Variants in PTBP2 observed in about 807,000 individuals in gnomAD.
PTBP2 encodes polypyrimidine tract binding protein 2.
In PTBP2, 13 loss-of-function variants were observed where a neutral mutation model predicts 61.4. The observed-to-expected ratio is 0.21, with a 90% confidence interval of 0.14 to 0.34. The LOEUF (loss-of-function observed/expected upper bound fraction) is 0.34, where lower values mean the gene tolerates loss of function less well. Among genes scored for constraint, PTBP2 ranks in the 10% least tolerant of loss-of-function variants. PTBP2 has a pLI of 1.00. For missense variants in PTBP2, 405 were observed against 642.6 expected, an observed-to-expected ratio of 0.63 and a Z score of 4.00; for synonymous variants, 215 against 218.5, an observed-to-expected ratio of 0.98 and a Z score of 0.14.
chr1:96,727,086 A>G (rs1358162465), intron 2 of PTBP2, among the ~76,000 whole-genome samples: 1 of 152,034 alleles, frequency 6.6e-6, no homozygotes, highest in East Asian at 1.9e-4. Flanking sequence ...CCAAGGAACC[A>G]CTGATCTGCT....
At chr1:96,731,611 A>T (rs1037873234) in intron 2 of PTBP2, among the ~76,000 whole-genome samples, 1 of 152,148 alleles carries the variant, frequency 6.6e-6, no homozygotes, top group African/African-American at 2.4e-5. Flanking sequence ...TCTAATGTTA[A>T]TGTATTTACA....
intron 2 of PTBP2, among the ~76,000 whole-genome samples, chr1:96,751,029 T>C (rs1274381016): frequency 6.6e-6 from 1 of 152,114 alleles, no homozygotes; most frequent in Non-Finnish European, 1.5e-5. Context: ...AATGAAGTTC[T>C]AATTTTCTAA....
At chr1:96,791,835 T>TTTTTTTTTTGTTTTTTTTTG (rs1557759220) in intron 8 of PTBP2, among the ~76,000 whole-genome samples, 3 of 30,514 alleles carry the variant, frequency 9.8e-5, no homozygotes, top group African/African-American at 1.9e-4. Context: ...GCTTTTTTTT[T>TTTTTTTTTTGTTTTTTTTTG]TTTTTTTTTT....
Position 96,813,342 on chromosome 1 carries a change from T to A in PTBP2, c.1533T>A (p.Leu511=). 1 of 1,607,196 alleles carries A rather than the reference T, an allele frequency of 6.2e-7. No homozygotes were observed. The highest frequency in any genetic ancestry group is 8.5e-7 in the Non-Finnish European group (1 of 1,176,332). The change falls in exon 14 of 14, where the codon CTT becomes CTA. Residue 511 remains leucine, a synonymous_variant. Transcript: ENST00000674951. ...VEEAIQALID[L]HNYNLGENHH... ...AAGCTATTCAGGCCTTGATTGATCT[T>A]CATAATTATAACCTTGGAGAAAACC...
At chr1:96,773,257 G>A (rs1366252648) in intron 5 of PTBP2, among the ~76,000 whole-genome samples, 3 of 151,916 alleles carry the variant, frequency 2.0e-5, no homozygotes, top group Non-Finnish European at 4.4e-5. Flanking sequence ...AAAGTGGTTA[G>A]GGAATAAGCC....
At chr1:96,780,682 C>T (rs1177003132) in intron 7 of PTBP2, among the ~76,000 whole-genome samples, 1 of 144,336 alleles carries the variant, frequency 6.9e-6, no homozygotes, top group African/African-American at 2.6e-5. Context: ...CCTGGGAGGC[C>T]TCACCTGCTG....
At chr1:96,815,732 T>G (rs981026936), downstream of PTBP2, 1 of 152,178 alleles carries the variant, frequency 6.6e-6, no homozygotes, top group African/African-American at 2.4e-5. Context: ...AAGAATATAA[T>G]AAGTAAAATA....
intron 9 of PTBP2, among the ~76,000 whole-genome samples, chr1:96,805,501 C>T (rs1473720296): frequency 3.3e-5 from 5 of 151,852 alleles, no homozygotes; most frequent in Non-Finnish European, 5.9e-5. Context: ...TTTATTCCCC[C>T]ACCCCTTCCT....
intron 8 of PTBP2, among the ~76,000 whole-genome samples, chr1:96,796,617 T>A (rs1660419553): frequency 6.6e-6 from 1 of 152,116 alleles, no homozygotes; most frequent in Admixed American, 6.6e-5. Flanking sequence ...TTGTGGGGTG[T>A]GTGTGTTTTC....
chr1:96,733,637 C>T (rs1651754617), intron 2 of PTBP2, among the ~76,000 whole-genome samples: 1 of 152,130 alleles, frequency 6.6e-6, no homozygotes, highest in African/African-American at 2.4e-5. Flanking sequence ...TATCACTACA[C>T]TCCAGCCTGG....
chr1:96,798,342 G>A (rs997076953), intron 8 of PTBP2, among the ~76,000 whole-genome samples: 2 of 151,304 alleles, frequency 1.3e-5, no homozygotes, highest in African/African-American at 4.9e-5. Context: ...GGAGGTGGAG[G>A]TTGCAGTGAG....
At chr1:96,746,091 C>CA (rs1653728740) in intron 2 of PTBP2, among the ~76,000 whole-genome samples, 2 of 150,878 alleles carry the variant, frequency 1.3e-5, no homozygotes, top group South Asian at 4.2e-4. Flanking sequence ...AAAACAACAA[C>CA]AAAAAAAGAT....
chr1:96,800,219 G>T (rs1660831583), intron 8 of PTBP2, among the ~76,000 whole-genome samples: 2 of 152,086 alleles, frequency 1.3e-5, no homozygotes, highest in South Asian at 4.2e-4. Context: ...CACTGAATTA[G>T]CATTCAGACA....
At chr1:96,802,776 T>C (rs1473907891) in intron 8 of PTBP2, among the ~76,000 whole-genome samples, 1 of 152,220 alleles carries the variant, frequency 6.6e-6, no homozygotes, top group Non-Finnish European at 1.5e-5. Context: ...ATACTGTTTT[T>C]CCTAAAAGGT....
At chr1:96,780,924 AC>A (rs1285706871) in intron 7 of PTBP2, among the ~76,000 whole-genome samples, 1 of 151,992 alleles carries the variant, frequency 6.6e-6, no homozygotes, top group African/African-American at 2.4e-5. Flanking sequence ...TTTCCTTCCA[AC>A]CTGTCATCAG....
chr1:96,810,245 C>T (rs115712961), intron 11 of PTBP2, among the ~76,000 whole-genome samples: 2,895 of 152,130 alleles, frequency 0.019, 94 homozygotes, highest in African/African-American at 0.066. Flanking sequence ...TTGCCTTGTC[C>T]ATTTATGCCA....
chr1:96,821,559 C>T (rs2101323435), exon 14 of PTBP2: 1 of 152,200 alleles, frequency 6.6e-6, no homozygotes, highest in South Asian at 2.1e-4. Context: ...TTACTACCAA[C>T]TTTCAAGGAA....
At chr1:96,778,095 T>C in intron 7 of PTBP2, 149 bp downstream of exon 7, 1 of 371,320 alleles carries the variant, frequency 2.7e-6, no homozygotes, top group Non-Finnish European at 4.9e-6. Context: ...TTAATATTTG[T>C]CATAAAAGAA....
rs146197455 is a variant in PTBP2, at chr1:96,764,796, T to C, written c.116-4907T>C. ...GAGCCTTATTTCATAGTGTTACTATTTATGAGGGTTTTAACAACTTATCTT... is the reference window on the plus strand; with the variant it reads ...GAGCCTTATTTCATAGTGTTACTATCTATGAGGGTTTTAACAACTTATCTT... On this transcript the variant is annotated intron_variant, in intron 3 of 13. Transcript: ENST00000674951. Among the ~76,000 whole-genome samples, 538 of 152,328 alleles carry C rather than the reference T, an allele frequency of 3.5e-3. 1 individual carries two copies. The highest frequency in any genetic ancestry group is 0.011 in the African/African-American group (477 of 41,564).
Sources: allele counts gnomAD v4.1 joint callset (sites outside exome capture counted in the v4.1 genomes callset), GRCh38; gene constraint gnomAD v4.1.1; transcripts MANE v1.5; gene names NCBI Gene and HGNC (gene_info 2026-07-23, HGNC 2026-07-21).